Variants in AMPD2 observed in about 807,000 individuals in gnomAD.
AMPD2 encodes AMP deaminase 2.
Under a neutral mutation model 91.3 loss-of-function variants are expected in AMPD2, and 52 were observed. That is an observed-to-expected ratio of 0.57 (90% CI 0.46 to 0.72). The LOEUF (loss-of-function observed/expected upper bound fraction) is 0.72, where lower values mean the gene tolerates loss of function less well. Ranked by LOEUF, AMPD2 falls within the 30% of genes least tolerant of loss-of-function variation. AMPD2 has a pLI of 0.00. For missense variants in AMPD2, 822 were observed against 1,122.3 expected, an observed-to-expected ratio of 0.73 and a Z score of 3.82; for synonymous variants, 455 against 456.4, an observed-to-expected ratio of 1.00 and a Z score of 0.04.
Position 109,626,242 on chromosome 1 carries a change from A to C in AMPD2, c.422+14A>C, listed in dbSNP as rs757584392. 7 of 1,613,918 alleles carry C rather than the reference A, an allele frequency of 4.3e-6. No homozygotes were observed. Among genetic ancestry groups the C allele is most frequent in the Non-Finnish European group, 5.9e-6 (7 of 1,179,968 alleles). On this transcript the variant is annotated intron_variant, in intron 5 of 18. Coordinates refer to ENST00000528667, the MANE Select transcript of AMPD2 (RefSeq NM_001368809.2). Reference sequence around the variant, plus strand: ...CTCGGACCTACAGTGAGGAGGGCAGAGGGGCACAGGGGATGCGGAGCTGCA... The same window carrying C: ...CTCGGACCTACAGTGAGGAGGGCAGCGGGGCACAGGGGATGCGGAGCTGCA...
chr1:109,630,584 G>T, intron 17 of AMPD2, 99 bp from the exon 18 acceptor site: 1 of 822,638 alleles, frequency 1.2e-6, no homozygotes, highest in Non-Finnish European at 1.8e-6. Context: ...TTGGGGGGAT[G>T]GGGGGGCGGG....
intron 1 of AMPD2, chr1:109,620,675 T>G: frequency 1.7e-6 from 2 of 1,203,124 alleles, no homozygotes; most frequent in African/African-American, 1.6e-5. Flanking sequence ...TTTCACGGAG[T>G]ATGCCTGCCC....
chr1:109,621,295 A>G, intron 2 of AMPD2, 29 bp downstream of exon 2: 1 of 1,608,634 alleles, frequency 6.2e-7, no homozygotes, highest in Non-Finnish European at 8.5e-7. Context: ...GCCTCAGGAT[A>G]GATGCTGGGC....
rs112546459 is a variant in AMPD2 at position 109,630,498 on chromosome 1, C to T, written c.2157+92C>T. 1.2e-4 allele frequency: 147 copies of T among 1,233,096 alleles called. No individual in the cohort carries two copies. In the African/African-American group the frequency reaches 1.9e-3, roughly 16 times the overall value. The allele number at this position is 1,233,096 out of a possible 1,614,324, so 76.4% of individuals were successfully genotyped here. A position where few individuals can be genotyped will look rare whatever the true frequency, so the allele number is the denominator to read the frequency against. The stretch of plus-strand genomic sequence containing the variant: ...GGGGGCGGTGGGGGGGGCGGTCTCT[C>T]GGGTTGGTGCTGCCCCCTGCTGGTA... On this transcript the variant is annotated intron_variant, in intron 17 of 18. Transcript: ENST00000528667.
chr1:109,628,832 A>T lies in AMPD2; in HGVS notation c.1571+26A>T. ...GTGAGTGTCCCTGGAGTGGGAGGGG[A>T]ACCTGCGGGGTCATATTCAAGGGGT... is the stretch of plus-strand genomic sequence containing the variant. On this transcript the variant is annotated intron_variant, in intron 13 of 18. Transcript: ENST00000528667. This position sits in a 1 kb window ranked among gnomAD's most constrained non-coding sequence, Gnocchi z 7.1. 6.5e-7 allele frequency: 1 copy of T among 1,545,798 alleles called. No homozygotes were observed. Among genetic ancestry groups the T allele is most frequent in the Non-Finnish European group, 8.7e-7 (1 of 1,143,270 alleles).
rs765813589 is a variant in AMPD2, at chr1:109,630,224, C to A, written c.1984-9C>A. ...CCTGACAGGCCCTCCCTCCCTGTTG[C>A]CTGCCCAGGCCCCCGTCCTGCAGTA... On this transcript the variant is annotated splice_polypyrimidine_tract_variant and intron_variant, in intron 16 of 18. Coordinates refer to ENST00000528667, the MANE Select transcript of AMPD2 (RefSeq NM_001368809.2). 3.7e-6 allele frequency: 6 copies of A among 1,611,116 alleles called. No individual in the cohort carries two copies. In the African/African-American group the frequency reaches 8.0e-5, roughly 22 times the overall value.
Position 109,620,018 on chromosome 1 carries a change from G to T in AMPD2, c.-523G>T. ...CACGTGGCCTACCAGCCTCTCGATT[G>T]CAGGGTTGGGTGGTCGCGACACCGG... On this transcript the variant is annotated 5_prime_UTR_variant, in exon 1 of 19. Coordinates refer to ENST00000528667, the MANE Select transcript of AMPD2 (RefSeq NM_001368809.2). 1 of 539,974 alleles carries T rather than the reference G, an allele frequency of 1.9e-6. No individual in the cohort carries two copies. The highest frequency in any genetic ancestry group is 3.3e-5 in the East Asian group (1 of 30,570). 33.4% of individuals were successfully genotyped at this position (539,974 alleles called of 1,614,324 possible). A position where few individuals can be genotyped will look rare whatever the true frequency, so the allele number is the denominator to read the frequency against.
In AMPD2 at chr1:109,629,853, C is replaced by T; in HGVS notation, c.1920C>T (p.Ile640=). 6.2e-7 allele frequency: 1 copy of T among 1,612,676 alleles called. No homozygotes were observed. The highest frequency in any genetic ancestry group is 1.3e-5 in the African/African-American group (1 of 75,018). ...LRPHCGEAGP[I]HHLVSAFMLA... is the part of the protein sequence containing the mutation. ...CACACTGTGGGGAGGCTGGGCCCATCCACCACCTGGTGTCAGCCTTCATGC... is the reference window on the plus strand; with the variant it reads ...CACACTGTGGGGAGGCTGGGCCCATTCACCACCTGGTGTCAGCCTTCATGC... Residue 640 remains isoleucine (I), a synonymous_variant, in exon 16 of 19, where the codon ATC becomes ATT. Coordinates refer to ENST00000528667, the MANE Select transcript of AMPD2 (RefSeq NM_001368809.2).
chr1:109,627,992 T>C, intron 10 of AMPD2, 89 bp downstream of exon 10: 1 of 1,602,040 alleles, frequency 6.2e-7, no homozygotes, highest in East Asian at 2.2e-5. Flanking sequence ...CCACACAGCA[T>C]CCAGTACAGA....
chr1:109,620,893 C>G, intron 1 of AMPD2, 21 bp from the exon 2 acceptor site: 2 of 1,445,548 alleles, frequency 1.4e-6, no homozygotes, highest in Non-Finnish European at 9.1e-7. Context: ...TTCTACCCAC[C>G]CCCTCCCCGC....
Position 109,625,158 on chromosome 1 carries a change from C to A in AMPD2, c.92-145C>A. Reference sequence around the variant, plus strand: ...GTGAGCCCTTTGGGAGCCACACACACAGGCCTACTCCTCAGCTACTGAGGA... The same window carrying A: ...GTGAGCCCTTTGGGAGCCACACACAAAGGCCTACTCCTCAGCTACTGAGGA... On this transcript the variant is annotated intron_variant, in intron 2 of 18. Coordinates refer to ENST00000528667, the MANE Select transcript of AMPD2 (RefSeq NM_001368809.2). The surrounding 1 kb of genome is among the most constrained non-coding windows in gnomAD (Gnocchi z 4.0). 2 of 1,150,920 alleles carry A rather than the reference C, an allele frequency of 1.7e-6. No individual in the cohort carries two copies. The highest frequency in any genetic ancestry group is 3.2e-5 in the South Asian group (2 of 62,846). The allele number at this position is 1,150,920 out of a possible 1,614,324, so 71.3% of individuals were successfully genotyped here.
chr1:109,626,011 AAGTG>A, intron 4 of AMPD2, 145 bp from the exon 5 acceptor site: 1 of 1,120,324 alleles, frequency 8.9e-7, no homozygotes. Flanking sequence ...CTCATCTCTA[AAGTG>A]AGTGAGAACA....
Position 109,628,019 on chromosome 1 carries a change from C to T in AMPD2, c.1081-64C>T, listed in dbSNP as rs56246993. The T allele has an allele frequency of 0.027, 42,674 of 1,596,882 alleles. 695 individuals carry two copies. Among genetic ancestry groups the T allele is most frequent in the South Asian group, 0.049 (4,294 of 88,296 alleles). ...CAGTACAGAGGGTCCTTTCCCATTG[C>T]ACTGCCCCAGGCCCCAGACCTTCCT... On this transcript the variant is annotated intron_variant, in intron 10 of 18. Coordinates refer to ENST00000528667, the MANE Select transcript of AMPD2 (RefSeq NM_001368809.2). The surrounding 1 kb of genome is among the most constrained non-coding windows in gnomAD (Gnocchi z 7.1).
intron 7 of AMPD2, 22 bp from the exon 8 acceptor site, chr1:109,627,153 T>G (rs781076881): frequency 6.2e-7 from 1 of 1,611,682 alleles, no homozygotes; most frequent in East Asian, 2.2e-5. Context: ...CTGCTCTGAC[T>G]TTACCCTCCT....
chr1:109,627,103 T>A, intron 7 of AMPD2, 72 bp from the exon 8 acceptor site: 1 of 1,601,902 alleles, frequency 6.2e-7, no homozygotes, highest in Non-Finnish European at 8.5e-7. Flanking sequence ...TTGCCCTCTG[T>A]GGGGCCTTTG....
In AMPD2 at chr1:109,626,315, G is replaced by A. The variant is rs767908314; in HGVS notation, c.423-4G>A. On this transcript the variant is annotated splice_region_variant and splice_polypyrimidine_tract_variant and intron_variant, in intron 5 of 18. Coordinates refer to ENST00000528667, the MANE Select transcript of AMPD2 (RefSeq NM_001368809.2). The stretch of plus-strand genomic sequence containing the variant: ...AACCCCTCCCTTGAATGCACCCCCT[G>A]CAGGCTCTACAAGGAACAGGGTGAG... 1 of 1,613,740 alleles carries A rather than the reference G, an allele frequency of 6.2e-7. No individual in the cohort carries two copies. The highest frequency in any genetic ancestry group is 1.1e-5 in the South Asian group (1 of 91,072).
intron 7 of AMPD2, 68 bp downstream of exon 7, chr1:109,626,980 G>A: frequency 1.3e-6 from 2 of 1,565,270 alleles, no homozygotes; most frequent in Non-Finnish European, 1.7e-6. Context: ...CTGGTGCCTG[G>A]GCACCTCTGC....
rs1046187627 is a variant in AMPD2, at chr1:109,624,125, C to T, written c.92-1178C>T. The stretch of plus-strand genomic sequence containing the variant: ...GGCAGGGGCCGGGGTGCGCAGGGGA[C>T]GGGGTCCTGGATCTGGGGCAGGCCC... On this transcript the variant is annotated intron_variant, in intron 2 of 18. Transcript: ENST00000528667. This position sits in a 1 kb window ranked among gnomAD's most constrained non-coding sequence, Gnocchi z 5.2. 55 of 968,456 alleles carry T rather than the reference C, an allele frequency of 5.7e-5. No homozygotes were observed. The highest frequency in any genetic ancestry group is 6.2e-5 in the Admixed American group (1 of 16,248). The allele number at this position is 968,456 out of a possible 1,614,324, so 60.0% of individuals were successfully genotyped here.
chr1:109,620,558 C>G, intron 1 of AMPD2: 1 of 1,263,628 alleles, frequency 7.9e-7, no homozygotes, highest in Non-Finnish European at 1.0e-6. Flanking sequence ...TTTCCCGGGA[C>G]AGGCCCCTCC....
Sources: gnomAD v4.1 joint callset for allele counts on GRCh38, gnomAD v4.1.1 for gene constraint, Gnocchi (gnomAD v3.1) non-coding constraint, MANE v1.5 for transcripts, NCBI Gene and HGNC (gene_info 2026-07-23, HGNC 2026-07-21) for gene names.